Variants in MCTP1 observed in about 807,000 individuals in gnomAD.
The protein encoded by MCTP1 is multiple C2 and transmembrane domain-containing protein 1.
In MCTP1, 69 loss-of-function variants were observed where a neutral mutation model predicts 120.6. The observed-to-expected ratio is 0.57, with a 90% CI of 0.47 to 0.70. MCTP1 has a LOEUF of 0.70. Ranked by LOEUF, MCTP1 falls within the 30% of genes least tolerant of loss-of-function variation. The pLI, the probability that MCTP1 is intolerant of heterozygous loss-of-function variation, is 0.00. For synonymous variants in MCTP1, 529 were observed against 493.1 expected (o/e 1.07, Z -0.96); for missense variants, 1,203 against 1,248.8 (o/e 0.96, Z 0.55).
intron 2 of MCTP1, among the ~76,000 whole-genome samples, chr5:94,973,594 A>G (rs1827390670): frequency 6.6e-6 from 1 of 152,148 alleles, no homozygotes; most frequent in South Asian, 2.1e-4. Context: ...GTGCTCAATA[A>G]ATATTTGTTG....
At chr5:95,274,772 C>T (rs1191075631) in intron 1 of MCTP1, among the ~76,000 whole-genome samples, 1 of 152,052 alleles carries the variant, frequency 6.6e-6, no homozygotes, top group Non-Finnish European at 1.5e-5. Context: ...TACAGGCGCC[C>T]ACCACCATGC....
chr5:94,910,185 TGTGC>T (rs1353232737), intron 9 of MCTP1, among the ~76,000 whole-genome samples: 9 of 148,398 alleles, frequency 6.1e-5, no homozygotes, highest in African/African-American at 1.2e-4. Context: ...TATATGTATG[TGTGC>T]ATACATATAT....
At chr5:94,894,546 C>T in intron 11 of MCTP1, 103 bp downstream of exon 11, 1 of 835,802 alleles carries the variant, frequency 1.2e-6, no homozygotes, top group Non-Finnish European at 1.8e-6. Context: ...GCCAATTCTT[C>T]CACCAGACAA....
intron 10 of MCTP1, among the ~76,000 whole-genome samples, chr5:94,906,208 G>C (rs1806863251): frequency 6.6e-6 from 1 of 152,060 alleles, no homozygotes; most frequent in Admixed American, 6.6e-5. Context: ...GTGGGGGCTG[G>C]GCGCAGTGGC....
intron 1 of MCTP1, among the ~76,000 whole-genome samples, chr5:95,240,334 C>T (rs1582632110): frequency 6.6e-6 from 1 of 152,166 alleles, no homozygotes; most frequent in African/African-American, 2.4e-5. Flanking sequence ...ATGCCTTGCA[C>T]ACATAAGAGA....
chr5:95,207,534 G>A (rs1159837832), intron 1 of MCTP1, among the ~76,000 whole-genome samples: 1 of 152,142 alleles, frequency 6.6e-6, no homozygotes, highest in Non-Finnish European at 1.5e-5. Flanking sequence ...AAAATGAAGT[G>A]GGTCAGAGGA....
chr5:94,999,261 T>C (rs1287644881), intron 2 of MCTP1, among the ~76,000 whole-genome samples: 2 of 152,194 alleles, frequency 1.3e-5, no homozygotes, highest in African/African-American at 2.4e-5. Flanking sequence ...AGTCTTAATA[T>C]GGAAAACCAT....
At chr5:94,893,666 C>T (rs1561815758) in intron 11 of MCTP1, among the ~76,000 whole-genome samples, 1 of 152,116 alleles carries the variant, frequency 6.6e-6, no homozygotes, top group Non-Finnish European at 1.5e-5. Context: ...GCATTAGTAC[C>T]AGCACTTCAT....
chr5:94,955,113 G>T (rs1487151888), intron 2 of MCTP1, among the ~76,000 whole-genome samples: 1 of 152,162 alleles, frequency 6.6e-6, no homozygotes, highest in African/African-American at 2.4e-5. Context: ...CCCACAGAGG[G>T]TGAGCAGAAG....
At chr5:95,190,860 C>A (rs1368699323) in intron 1 of MCTP1, among the ~76,000 whole-genome samples, 1 of 151,792 alleles carries the variant, frequency 6.6e-6, no homozygotes, top group African/African-American at 2.4e-5. Context: ...CATGAACAAC[C>A]CAAAATGAAA....
chr5:94,897,807 T>C (rs1804468278), intron 10 of MCTP1, among the ~76,000 whole-genome samples: 1 of 152,176 alleles, frequency 6.6e-6, no homozygotes, highest in Non-Finnish European at 1.5e-5. Context: ...AATAGTTACT[T>C]TTTCTGATCT....
chr5:94,827,296 C>T (rs1239833007), intron 17 of MCTP1, among the ~76,000 whole-genome samples: 1 of 152,016 alleles, frequency 6.6e-6, no homozygotes, highest in African/African-American at 2.4e-5. Flanking sequence ...GAATATTGGC[C>T]CCCACTCTCT....
chr5:95,136,649 G>A (rs756478635), intron 1 of MCTP1, among the ~76,000 whole-genome samples: 2 of 152,272 alleles, frequency 1.3e-5, no homozygotes, highest in East Asian at 1.9e-4. Flanking sequence ...CAATGTGTCC[G>A]ACTCTATGTT....
intron 1 of MCTP1, among the ~76,000 whole-genome samples, chr5:95,198,729 G>A (rs1750669073): frequency 6.6e-6 from 1 of 152,066 alleles, no homozygotes; most frequent in Non-Finnish European, 1.5e-5. Flanking sequence ...GAACTCAGTG[G>A]GAGCAGGACA....
chr5:94,942,715 A>G lies in MCTP1; in HGVS notation c.982-288T>C, dbSNP rs926539795. Among the ~76,000 whole-genome samples the G allele has an allele frequency of 7.9e-5, 12 of 152,210 alleles. No homozygotes were observed. The South Asian group carries it at 1.2e-3, about 16-fold the overall frequency. ...TATAGTAAATCTTCAAAAATGTGGGAAAAAGCATAGAATTCAACAAGTATG... is the reference window on the plus strand; with the variant it reads ...TATAGTAAATCTTCAAAAATGTGGGGAAAAGCATAGAATTCAACAAGTATG... On this transcript the variant is annotated intron_variant, in intron 3 of 22. Transcript: ENST00000515393.
At chr5:95,222,932 A>G (rs986034569) in intron 1 of MCTP1, among the ~76,000 whole-genome samples, 17 of 152,240 alleles carry the variant, frequency 1.1e-4, no homozygotes, top group African/African-American at 3.9e-4. Context: ...AGTGTGAGCC[A>G]GCAGGCTGGA....
intron 3 of MCTP1, among the ~76,000 whole-genome samples, chr5:94,946,852 C>G (rs1265883382): frequency 6.6e-6 from 1 of 152,148 alleles, no homozygotes; most frequent in Non-Finnish European, 1.5e-5. Flanking sequence ...TCCTTCTCCC[C>G]CAGTGCTTAC....
chr5:95,065,833 A>C (rs984375721), intron 1 of MCTP1, among the ~76,000 whole-genome samples: 27 of 152,148 alleles, frequency 1.8e-4, no homozygotes, highest in African/African-American at 6.3e-4. Context: ...ACTAGACCCC[A>C]ATTTCTCAGC....
At chr5:94,751,568 C>T (rs549288869) in intron 19 of MCTP1, among the ~76,000 whole-genome samples, 1 of 152,092 alleles carries the variant, frequency 6.6e-6, no homozygotes, top group African/African-American at 2.4e-5. Context: ...TGAGTCCTTG[C>T]TTCCTTTTGT....
Sources: gnomAD v4.1 joint callset for allele counts (sites outside exome capture counted in the v4.1 genomes callset) on GRCh38, gnomAD v4.1.1 for gene constraint, MANE v1.5 for transcripts, NCBI Gene and HGNC (gene_info 2026-07-23, HGNC 2026-07-21) for gene names.